TBCD: variants seen among roughly 807,000 people sequenced by gnomAD.
TBCD encodes the protein tubulin folding cofactor D.
TBCD carries 105 observed loss-of-function variants against 169.3 expected under a neutral mutation model. The observed-to-expected ratio is 0.62, with a 90% CI of 0.53 to 0.73. The LOEUF (loss-of-function observed/expected upper bound fraction) is 0.73. TBCD is among the 30% of genes least tolerant of loss of function. TBCD has a pLI of 0.00. For synonymous variants in TBCD, 700 were observed against 643.9 expected, an observed-to-expected ratio of 1.09 and a Z score of -1.32; for missense variants, 1,444 against 1,600.1, an observed-to-expected ratio of 0.90 and a Z score of 1.66.
chr17:82,921,658 T>G, intron 25 of TBCD, 81 bp downstream of exon 25: 1 of 1,330,418 alleles, frequency 7.5e-7, no homozygotes, highest in Non-Finnish European at 1.1e-6. Context: ...TGTTGGCGAC[T>G]GTGCATCATG....
At position 82,902,786 on chromosome 17, in the gene TBCD, G is replaced by C. The variant is rs571852384; in HGVS notation, c.1731-619G>C. Among the ~76,000 whole-genome samples the C allele has an allele frequency of 5.9e-5, 9 of 152,288 alleles. No homozygotes were observed. In the South Asian group the frequency reaches 1.9e-3, roughly 32 times the overall value. Reference sequence around the variant, plus strand: ...TCGCCCTCATGATGATTTTAAGTCAGGACCACTTGCTGCTCCAGCTGGGTC... The same window carrying C: ...TCGCCCTCATGATGATTTTAAGTCACGACCACTTGCTGCTCCAGCTGGGTC... On this transcript the variant is annotated intron_variant, in intron 18 of 38. Coordinates refer to ENST00000355528, the MANE Select transcript of TBCD (RefSeq NM_005993.5).
intron 13 of TBCD, among the ~76,000 whole-genome samples, chr17:82,828,655 G>A (rs147969062): frequency 0.018 from 2,683 of 151,354 alleles, 33 homozygotes; most frequent in Non-Finnish European, 0.026. Context: ...CACACCTGCA[G>A]ATATGTACAC....
intron 1 of TBCD, 26 bp from the exon 2 acceptor site, chr17:82,756,139 A>C: frequency 6.3e-7 from 1 of 1,584,432 alleles, no homozygotes; most frequent in Non-Finnish European, 8.6e-7. Context: ...AGTGATAATT[A>C]ATTTTCATGT....
chr17:82,766,115 C>T (rs1312144283), intron 3 of TBCD, among the ~76,000 whole-genome samples, 152 bp from the exon 4 acceptor site: 2 of 152,144 alleles, frequency 1.3e-5, no homozygotes, highest in Non-Finnish European at 2.9e-5. Flanking sequence ...GGGGTGACTA[C>T]GGTCTTACTA....
intron 5 of TBCD, among the ~76,000 whole-genome samples, chr17:82,769,125 G>A (rs1003247111): frequency 6.6e-6 from 1 of 152,120 alleles, no homozygotes; most frequent in Non-Finnish European, 1.5e-5. Flanking sequence ...TCTGTGGGTC[G>A]GGAGTCTGGC....
At chr17:82,784,123 GA>G (rs1004840519) in intron 7 of TBCD, among the ~76,000 whole-genome samples, 7 of 147,264 alleles carry the variant, frequency 4.8e-5, no homozygotes, top group African/African-American at 1.5e-4. Flanking sequence ...GACTCTGCCA[GA>G]AAAAAAAAAC....
intron 6 of TBCD, among the ~76,000 whole-genome samples, chr17:82,778,211 T>C (rs2048722356): frequency 6.6e-6 from 1 of 152,166 alleles, no homozygotes. Context: ...TCTTGTTTTA[T>C]ATTTTATTAT....
intron 1 of TBCD, 81 bp downstream of exon 1, chr17:82,752,458 G>A (rs996209188): frequency 2.5e-5 from 27 of 1,088,732 alleles, no homozygotes; most frequent in East Asian, 8.7e-5. Flanking sequence ...GGCGGGGACC[G>A]CAGCCCGGCG....
rs563566386 is a variant in TBCD, at chr17:82,760,250, C to A, written c.236-3715C>A. On this transcript the variant is annotated intron_variant, in intron 2 of 38. Transcript: ENST00000355528. ...TTATTTTCTTGATGGTTTTGTAGCC[C>A]GTTCATTAATGCGGATGAACTCCGG... 3.3e-5 allele frequency among the ~76,000 whole-genome samples: 5 copies of A among 152,246 alleles called. No individual in the cohort carries two copies. The South Asian group carries it at 1.0e-3, about 32-fold the overall frequency.
rs1030192688 is a variant in TBCD at position 82,923,957 on chromosome 17, G to C, written c.2260+224G>C. Among the ~76,000 whole-genome samples, 1 of 152,128 alleles carries C rather than the reference G, an allele frequency of 6.6e-6. No homozygotes were observed. The highest frequency in any genetic ancestry group is 6.5e-5 in the Admixed American group (1 of 15,268). On this transcript the variant is annotated intron_variant, in intron 26 of 38. Coordinates refer to ENST00000355528, the MANE Select transcript of TBCD (RefSeq NM_005993.5). This position sits in a 1 kb window ranked among gnomAD's most constrained non-coding sequence, Gnocchi z 4.6. The stretch of plus-strand genomic sequence containing the variant: ...CAGCTCTGAACAGGTGGCTCAGCAG[G>C]GACGCGTCTCTGTTGACGGCACCCT...
chr17:82,941,467 C>G lies in TBCD; in HGVS notation c.3548C>G (p.Pro1183Arg). 2.5e-6 allele frequency: 4 copies of G among 1,599,478 alleles called. No individual in the cohort carries two copies. Among genetic ancestry groups the G allele is most frequent in the Non-Finnish European group, 3.4e-6 (4 of 1,174,248 alleles). ...RLCDLLGVPR[P>R]QLVPQPGAC is the part of the protein sequence containing the mutation. ...TGTGACCTTCTGGGCGTACCCAGGCCCCAGCTGGTGCCCCAGGTAACCCTG... is the reference window on the plus strand; with the variant it reads ...TGTGACCTTCTGGGCGTACCCAGGCGCCAGCTGGTGCCCCAGGTAACCCTG... The change falls in exon 38 of 39, where the codon CCC becomes CGC. Residue 1183 changes from proline to arginine, a missense_variant. Physicochemically the swap from Pro to Arg is moderately radical, Grantham distance 103. Transcript: ENST00000355528.
In TBCD at chr17:82,903,376, C is replaced by A; in HGVS notation, c.1731-29C>A. The A allele has an allele frequency of 6.4e-7, 1 of 1,572,350 alleles. No homozygotes were observed. Among genetic ancestry groups the A allele is most frequent in the Non-Finnish European group, 8.7e-7 (1 of 1,154,632 alleles). On this transcript the variant is annotated intron_variant, in intron 18 of 38. Coordinates refer to ENST00000355528, the MANE Select transcript of TBCD (RefSeq NM_005993.5). The surrounding 1 kb of genome is among the most constrained non-coding windows in gnomAD (Gnocchi z 4.8). ...TAAAGCTAGAATCATAAAATGAAGG[C>A]ACTTACGACATTCTCTCCTCACTCT...
At chr17:82,766,007 C>T (rs141371760) in intron 3 of TBCD, among the ~76,000 whole-genome samples, 10 of 152,168 alleles carry the variant, frequency 6.6e-5, no homozygotes, top group African/African-American at 1.9e-4. Context: ...CCAGGCTAGT[C>T]TCCAACTCTT....
At chr17:82,761,789 G>T (rs2047770962) in intron 2 of TBCD, among the ~76,000 whole-genome samples, 1 of 150,832 alleles carries the variant, frequency 6.6e-6, no homozygotes. Context: ...GCAGTGGTGC[G>T]ATCTCGGCTC....
At chr17:82,881,064 C>T (rs1039145412) in intron 14 of TBCD, among the ~76,000 whole-genome samples, 1 of 152,200 alleles carries the variant, frequency 6.6e-6, no homozygotes, top group African/African-American at 2.4e-5. Flanking sequence ...CCACCCTATT[C>T]CCCTTGGGCT....
rs200708068 is a variant in TBCD at position 82,938,079 on chromosome 17, C to A, written c.3312C>A (p.Asp1104Glu). ...GCGAGATGGTGCAGTTCCCCGGCGACGTGAGGAGGCAGGCCCTCCTGCAGC... is the reference window on the plus strand; with the variant it reads ...GCGAGATGGTGCAGTTCCCCGGCGAAGTGAGGAGGCAGGCCCTCCTGCAGC... ...VFCEMVQFPG[D>E]VRRQALLQLC... The change falls in exon 36 of 39, where the codon GAC (aspartate) becomes GAA (glutamate). Residue 1104 changes from aspartate to glutamate, a missense_variant. Coordinates refer to ENST00000355528, the MANE Select transcript of TBCD (RefSeq NM_005993.5). 184 of 1,613,052 alleles carry A rather than the reference C, an allele frequency of 1.1e-4. No homozygotes were observed. The highest frequency in any genetic ancestry group is 6.2e-5 in the Non-Finnish European group (73 of 1,179,848).
chr17:82,920,809 C>A lies in TBCD; in HGVS notation c.2101+191C>A, dbSNP rs1240852511. On this transcript the variant is annotated intron_variant, in intron 24 of 38. Coordinates refer to ENST00000355528, the MANE Select transcript of TBCD (RefSeq NM_005993.5). This position sits in a 1 kb window ranked among gnomAD's most constrained non-coding sequence, Gnocchi z 4.1. ...AATGGGTACCCACCGCCCTCTCCCC[C>A]CAACACAGGAGGGCCCTTCCCCGCC... 5.9e-5 allele frequency among the ~76,000 whole-genome samples: 9 copies of A among 152,196 alleles called. No individual in the cohort carries two copies. Among genetic ancestry groups the A allele is most frequent in the Non-Finnish European group, 8.8e-5 (6 of 68,028 alleles).
rs980642343 is a variant in TBCD, at chr17:82,926,321, G to A, written c.2380-79G>A. On this transcript the variant is annotated intron_variant, in intron 27 of 38. Transcript: ENST00000355528. Reference sequence around the variant, plus strand: ...CTCATGGTGTGGGGTCTGTGGCTCCGGGCCAACATTGCCACCTCCCTAAAG... The same window carrying A: ...CTCATGGTGTGGGGTCTGTGGCTCCAGGCCAACATTGCCACCTCCCTAAAG... 165 of 1,386,548 alleles carry A rather than the reference G, an allele frequency of 1.2e-4. 1 individual carries two copies. Among genetic ancestry groups the A allele is most frequent in the South Asian group, 3.8e-4 (31 of 81,982 alleles). 85.9% of individuals were successfully genotyped at this position (1,386,548 alleles called of 1,614,324 possible). A position where few individuals can be genotyped will look rare whatever the true frequency, so the allele number is the denominator to read the frequency against.
At position 82,930,528 on chromosome 17, in the gene TBCD, C is replaced by A. The variant is rs530378018; in HGVS notation, c.2998C>A (p.His1000Asn). ...LGGLTESTIR[H>N]STQSLFEYMK... is the part of the protein sequence containing the mutation. ...AGGTGTCTCCGTGTTGCAGATCCGG[C>A]ACTCCACCCAGAGCCTCTTTGAGTA... The change falls in exon 33 of 39, where the codon CAC becomes AAC. Residue 1000 changes from histidine (H) to asparagine (N), a missense_variant. By Grantham distance (68) the His-to-Asn change is moderately conservative. Coordinates refer to ENST00000355528, the MANE Select transcript of TBCD (RefSeq NM_005993.5). This position sits in a 1 kb window ranked among gnomAD's most constrained non-coding sequence, Gnocchi z 5.2. 85 of 1,613,052 alleles carry A rather than the reference C, an allele frequency of 5.3e-5. 1 individual carries two copies. The South Asian group carries it at 8.1e-4, about 15-fold the overall frequency.
Sources: allele counts gnomAD v4.1 joint callset (sites outside exome capture counted in the v4.1 genomes callset), GRCh38; gene constraint gnomAD v4.1.1; non-coding constraint Gnocchi (gnomAD v3.1); transcripts MANE v1.5; gene names NCBI Gene and HGNC (gene_info 2026-07-23, HGNC 2026-07-21).